The following ATP6V0E1 variants were observed in gnomAD, a reference collection of about 807,000 sequenced individuals.
ATP6V0E1 encodes V-type proton ATPase subunit e 1.
A neutral mutation model predicts 11.6 loss-of-function variants in ATP6V0E1; 4 were observed. The observed-to-expected ratio is 0.35, with a 90% CI of 0.17 to 0.79. ATP6V0E1 has a LOEUF of 0.79. Ranked by LOEUF, ATP6V0E1 falls within the 30% of genes least tolerant of loss-of-function variation. The pLI is 0.54. For missense variants in ATP6V0E1, 105 were observed against 100.0 expected, an observed-to-expected ratio of 1.05 and a Z score of -0.21; for synonymous variants, 36 against 34.8, an observed-to-expected ratio of 1.04 and a Z score of -0.13.
intron 3 of ATP6V0E1, among the ~76,000 whole-genome samples, chr5:173,021,163 A>C (rs1756477895): frequency 6.6e-6 from 1 of 151,990 alleles, no homozygotes; most frequent in Admixed American, 6.6e-5. Context: ...CCAGAGAGGG[A>C]GCAAGAGAGA....
In ATP6V0E1 at chr5:172,983,909, T is replaced by A; in HGVS notation, c.49T>A (p.Trp17Arg). ...GCCTCTCATTGTGATGAGCGTGTTCTGGGGCTTCGTCGGCTTCTTGGTGCC... is the reference window on the plus strand; with the variant it reads ...GCCTCTCATTGTGATGAGCGTGTTCAGGGGCTTCGTCGGCTTCTTGGTGCC... The part of the protein sequence containing the change: ...TVPLIVMSVF[W>R]GFVGFLVPWF... The change falls in exon 1 of 4, where the codon TGG (tryptophan) becomes AGG (arginine). Residue 17 changes from tryptophan to arginine, a missense_variant. Transcript: ENST00000519374. 6.2e-7 allele frequency: 1 copy of A among 1,613,518 alleles called. No homozygotes were observed. Among genetic ancestry groups the A allele is most frequent in the African/African-American group, 1.3e-5 (1 of 75,032 alleles).
At chr5:173,012,892 G>C (rs1028497401) in intron 2 of ATP6V0E1, among the ~76,000 whole-genome samples, 2 of 152,148 alleles carry the variant, frequency 1.3e-5, no homozygotes, top group African/African-American at 2.4e-5. Flanking sequence ...CAGGCAACAG[G>C]CTGGGTGTAG....
At chr5:173,009,403 T>TA (rs1561771958) in intron 2 of ATP6V0E1, among the ~76,000 whole-genome samples, 2 of 143,760 alleles carry the variant, frequency 1.4e-5, no homozygotes, top group Admixed American at 7.1e-5. Flanking sequence ...ATCTCAAAGA[T>TA]AAAAACAAAA....
At chr5:173,021,628 A>G (rs547743411) in intron 3 of ATP6V0E1, among the ~76,000 whole-genome samples, 39 of 152,222 alleles carry the variant, frequency 2.6e-4, no homozygotes, top group Non-Finnish European at 4.4e-4. Flanking sequence ...GTACCAAGCC[A>G]TTCATGAGGA....
intron 2 of ATP6V0E1, among the ~76,000 whole-genome samples, chr5:173,001,773 C>T (rs1210575701): frequency 2.6e-5 from 4 of 150,990 alleles, no homozygotes; most frequent in Non-Finnish European, 4.4e-5. Flanking sequence ...GGCTAGAGTG[C>T]AATGGCTGGA....
chr5:173,000,574 G>A (rs1022108259), intron 2 of ATP6V0E1, among the ~76,000 whole-genome samples: 1 of 152,120 alleles, frequency 6.6e-6, no homozygotes, highest in Non-Finnish European at 1.5e-5. Flanking sequence ...ACGAGACCTA[G>A]GTTCTTTTAG....
intron 2 of ATP6V0E1, among the ~76,000 whole-genome samples, chr5:173,005,221 A>G (rs1327730026): frequency 6.6e-6 from 1 of 151,234 alleles, no homozygotes; most frequent in African/African-American, 2.4e-5. Context: ...CAATTTGAAG[A>G]GAACTGACAT....
intron 3 of ATP6V0E1, among the ~76,000 whole-genome samples, chr5:173,028,755 G>C (rs1018521226): frequency 6.6e-6 from 1 of 152,234 alleles, no homozygotes; most frequent in South Asian, 2.1e-4. Flanking sequence ...CCTAAGAGCA[G>C]TGCTCACTCC....
At chr5:172,996,775 C>T (rs562065845) in intron 2 of ATP6V0E1, among the ~76,000 whole-genome samples, 24 of 152,196 alleles carry the variant, frequency 1.6e-4, no homozygotes, top group Admixed American at 7.2e-4. Context: ...TAACAGAAGA[C>T]ATACAAGGTG....
chr5:173,024,197 CAAAAAAAAAAAAAA>C (rs56837002), intron 3 of ATP6V0E1, among the ~76,000 whole-genome samples: 5 of 73,494 alleles, frequency 6.8e-5, no homozygotes, highest in African/African-American at 2.0e-4. Flanking sequence ...GACTCCGTCT[CAAAAAAAAAAAAAA>C]AAAAAGAAAG....
intron 3 of ATP6V0E1, among the ~76,000 whole-genome samples, chr5:173,023,744 T>C (rs1031935798): frequency 2.0e-5 from 3 of 150,402 alleles, no homozygotes; most frequent in African/African-American, 4.9e-5. Flanking sequence ...ATTCAGGAGG[T>C]TGAGGTGGGA....
intron 3 of ATP6V0E1, chr5:173,021,049 C>A: frequency 2.5e-6 from 1 of 403,256 alleles, no homozygotes; most frequent in Non-Finnish European, 5.0e-6. Context: ...CGCAGTTCTG[C>A]AGGCTGTATA....
chr5:172,994,751 A>G, intron 1 of ATP6V0E1, 24 bp from the exon 2 acceptor site: 2 of 1,492,326 alleles, frequency 1.3e-6, no homozygotes, highest in East Asian at 2.4e-5. Flanking sequence ...ATTTAATGAC[A>G]TTTGCATTTT....
chr5:172,998,458 A>T (rs551369634), intron 2 of ATP6V0E1, among the ~76,000 whole-genome samples: 90 of 152,140 alleles, frequency 5.9e-4, no homozygotes, highest in East Asian at 1.9e-3. Context: ...AAAAATTTTT[A>T]AAATTAGCTG....
rs1289642812 is a variant in ATP6V0E1 at position 173,034,613 on chromosome 5, T to C, written c.*251T>C. 5.1e-6 allele frequency: 3 copies of C among 592,570 alleles called. No homozygotes were observed. In the East Asian group the frequency reaches 8.4e-5, roughly 17 times the overall value. 36.7% of individuals were successfully genotyped at this position (592,570 alleles called of 1,614,324 possible). A position where few individuals can be genotyped will look rare whatever the true frequency, so the allele number is the denominator to read the frequency against. ...CTGTGCCGACTCCACAAAACGATTA[T>C]GTACTCTTCTGAGATAGAAGATGCT... On this transcript the variant is annotated 3_prime_UTR_variant, in exon 4 of 4. Transcript: ENST00000519374.
chr5:173,013,574 CAAAA>C (rs35084966), intron 2 of ATP6V0E1, among the ~76,000 whole-genome samples: 2 of 61,638 alleles, frequency 3.2e-5, no homozygotes. Context: ...GACTCCATCT[CAAAA>C]AAAAAAAAAA....
chr5:172,983,821 G>T lies in ATP6V0E1; in HGVS notation c.-40G>T. 1 of 1,592,000 alleles carries T rather than the reference G, an allele frequency of 6.3e-7. No individual in the cohort carries two copies. Among genetic ancestry groups the T allele is most frequent in the Middle Eastern group, 1.7e-4 (1 of 5,832 alleles). On this transcript the variant is annotated 5_prime_UTR_variant, in exon 1 of 4. Transcript: ENST00000519374. Reference sequence around the variant, plus strand: ...ATTGACACTTCCTGGTGGGATCCGAGTGAGGCGACGGGGTAGGGGTTGGCG... The same window carrying T: ...ATTGACACTTCCTGGTGGGATCCGATTGAGGCGACGGGGTAGGGGTTGGCG...
chr5:173,020,384 C>A lies in ATP6V0E1; in HGVS notation c.*36+17C>A. 1 of 1,419,428 alleles carries A rather than the reference C, an allele frequency of 7.0e-7. No individual in the cohort carries two copies. Among genetic ancestry groups the A allele is most frequent in the South Asian group, 1.2e-5 (1 of 85,128 alleles). The allele number at this position is 1,419,428 out of a possible 1,614,324, so 87.9% of individuals were successfully genotyped here. ...GTCTTTGAGGTGACTATGCTTGTGA[C>A]CTTTCTTATCAGTATGGTCAGGCAG... On this transcript the variant is annotated intron_variant, in intron 3 of 3. Transcript: ENST00000519374.
intron 1 of ATP6V0E1, 125 bp from the exon 2 acceptor site, chr5:172,994,637 TTGAGCAAATACAG>T (rs1756033393): frequency 1.5e-6 from 1 of 673,196 alleles, no homozygotes. Context: ...TGCTGGATAT[TTGAGCAAATACAG>T]ATCCAATTTC....
Sources: allele counts gnomAD v4.1 joint callset (sites outside exome capture counted in the v4.1 genomes callset), GRCh38; gene constraint gnomAD v4.1.1; transcripts MANE v1.5; gene names NCBI Gene and HGNC (gene_info 2026-07-23, HGNC 2026-07-21).